MIPOL1: variants seen among roughly 807,000 people sequenced by gnomAD.
MIPOL1 encodes the protein mirror-image polydactyly 1, also known as mirror-image polydactyly gene 1 protein.
MIPOL1 carries 57 observed loss-of-function variants against 60.9 expected under a neutral mutation model. That is an observed-to-expected ratio of 0.94 (90% CI 0.76 to 1.17). The LOEUF is 1.17. Among genes scored for constraint, MIPOL1 ranks in the 50% most tolerant of loss-of-function variants. The probability of loss-of-function intolerance (pLI) is 0.00; values close to 1 mark genes in which losing one functional copy is unlikely to be tolerated. For synonymous variants in MIPOL1, 179 were observed against 168.8 expected (o/e 1.06, Z -0.47); for missense variants, 551 against 511.6 (o/e 1.08, Z -0.74).
At chr14:37,364,836 T>G (rs971331681) in intron 9 of MIPOL1, among the ~76,000 whole-genome samples, 1 of 152,228 alleles carries the variant, frequency 6.6e-6, no homozygotes, top group African/African-American at 2.4e-5. Flanking sequence ...TTTACAATAT[T>G]GACTCTTCCA....
intron 10 of MIPOL1, among the ~76,000 whole-genome samples, chr14:37,395,226 T>C (rs987430887): frequency 2.0e-5 from 3 of 152,174 alleles, no homozygotes; most frequent in Non-Finnish European, 4.4e-5. Flanking sequence ...TGCTTGGCTA[T>C]GCGTGCTCTT....
At chr14:37,330,010 T>A (rs1469841613) in intron 9 of MIPOL1, among the ~76,000 whole-genome samples, 1 of 89,620 alleles carries the variant, frequency 1.1e-5, no homozygotes, top group Non-Finnish European at 2.2e-5. Context: ...CACATCCTAG[T>A]AGTTGTATTA....
chr14:37,391,901 G>A (rs1392735662), intron 10 of MIPOL1, among the ~76,000 whole-genome samples: 1 of 152,010 alleles, frequency 6.6e-6, no homozygotes, highest in African/African-American at 2.4e-5. Flanking sequence ...CCATGAAAAG[G>A]ACAAGAATTT....
intron 1 of MIPOL1, among the ~76,000 whole-genome samples, chr14:37,216,425 C>G (rs1433047016): frequency 6.6e-6 from 1 of 152,104 alleles, no homozygotes; most frequent in African/African-American, 2.4e-5. Context: ...GCATTATAGA[C>G]CAAATTGACC....
intron 11 of MIPOL1, among the ~76,000 whole-genome samples, chr14:37,425,390 A>C (rs2093943983): frequency 6.6e-6 from 1 of 152,232 alleles, no homozygotes; most frequent in Non-Finnish European, 1.5e-5. Flanking sequence ...TTTAAAATCT[A>C]CATGAGTCTA....
intron 9 of MIPOL1, among the ~76,000 whole-genome samples, chr14:37,317,911 A>G (rs1019157594): frequency 2.6e-5 from 4 of 152,330 alleles, no homozygotes; most frequent in East Asian, 1.9e-4. Context: ...AAGGAAAAGT[A>G]TGAATAATTT....
At chr14:37,296,728 A>G (rs1176247708) in intron 7 of MIPOL1, among the ~76,000 whole-genome samples, 12 of 152,336 alleles carry the variant, frequency 7.9e-5, no homozygotes, top group Middle Eastern at 6.8e-3. Flanking sequence ...ATTCCTGGAC[A>G]CATACACCCT....
intron 7 of MIPOL1, among the ~76,000 whole-genome samples, chr14:37,294,461 A>G (rs984547610): frequency 3.9e-5 from 6 of 152,206 alleles, no homozygotes; most frequent in African/African-American, 1.4e-4. Context: ...TGGATGGAGA[A>G]TGACTTGACG....
At chr14:37,417,626 C>T (rs1421050714) in intron 10 of MIPOL1, among the ~76,000 whole-genome samples, 2 of 152,118 alleles carry the variant, frequency 1.3e-5, no homozygotes, top group Non-Finnish European at 2.9e-5. Context: ...GGTTCTTAAC[C>T]TTCTTCTGAG....
chr14:37,388,901 A>G (rs2093154700), intron 10 of MIPOL1, among the ~76,000 whole-genome samples: 1 of 152,012 alleles, frequency 6.6e-6, no homozygotes, highest in Non-Finnish European at 1.5e-5. Context: ...GCTCTCCTCT[A>G]TGTATTGGCT....
At chr14:37,381,629 C>G (rs1033946040) in intron 10 of MIPOL1, among the ~76,000 whole-genome samples, 19 of 151,842 alleles carry the variant, frequency 1.3e-4, no homozygotes, top group African/African-American at 4.6e-4. Context: ...GTCACCCAGG[C>G]TGGAGTGCAG....
chr14:37,294,957 C>A (rs946660998), intron 7 of MIPOL1, among the ~76,000 whole-genome samples: 11 of 152,044 alleles, frequency 7.2e-5, no homozygotes, highest in African/African-American at 2.2e-4. Context: ...CAGAGAACAC[C>A]ACAAAGATAC....
chr14:37,537,704 C>T (rs1050608748), intron 12 of MIPOL1, among the ~76,000 whole-genome samples: 6 of 152,058 alleles, frequency 3.9e-5, no homozygotes, highest in Admixed American at 2.0e-4. Context: ...TTGGAATTCA[C>T]GATTTGGCTT....
intron 1 of MIPOL1, chr14:37,227,588 T>C (rs1442005195): frequency 1.3e-5 from 2 of 152,186 alleles, no homozygotes; most frequent in East Asian, 3.9e-4. Context: ...TTGACATTTG[T>C]TGTTATTGCA....
chr14:37,524,195 G>C (rs1052546382), intron 12 of MIPOL1, among the ~76,000 whole-genome samples: 1 of 152,162 alleles, frequency 6.6e-6, no homozygotes, highest in Non-Finnish European at 1.5e-5. Context: ...GACTAACACT[G>C]ACTGCTATGT....
chr14:37,234,361 C>CTTTTTTTTTT (rs3061899), intron 1 of MIPOL1, among the ~76,000 whole-genome samples: 1 of 135,142 alleles, frequency 7.4e-6, no homozygotes, highest in Non-Finnish European at 1.6e-5. Flanking sequence ...CTTTTCTTTT[C>CTTTTTTTTTT]TTTTTTTTTT....
intron 9 of MIPOL1, among the ~76,000 whole-genome samples, chr14:37,343,151 A>T (rs145125402): frequency 7.9e-5 from 12 of 151,870 alleles, no homozygotes; most frequent in Non-Finnish European, 1.5e-4. Flanking sequence ...CATACATATC[A>T]GCTGTAGTGT....
chr14:37,372,452 T>A (rs573623041), intron 10 of MIPOL1, among the ~76,000 whole-genome samples: 1 of 152,154 alleles, frequency 6.6e-6, no homozygotes, highest in South Asian at 2.1e-4. Flanking sequence ...TAGGAGGCAA[T>A]TACACTAGAT....
chr14:37,524,947 C>A lies in MIPOL1; in HGVS notation c.1263-21958C>A, dbSNP rs532803167. On this transcript the variant is annotated intron_variant, in intron 12 of 12. Coordinates refer to ENST00000684589, the MANE Select transcript of MIPOL1 (RefSeq NM_001388067.1). Reference sequence around the variant, plus strand: ...AAAATAAAACTGGAAATAAAATGAGCATGATTATTATCACAATAGAAATGT... The same window carrying A: ...AAAATAAAACTGGAAATAAAATGAGAATGATTATTATCACAATAGAAATGT... Among the ~76,000 whole-genome samples, 35 of 152,054 alleles carry A rather than the reference C, an allele frequency of 2.3e-4. No homozygotes were observed. The South Asian group carries it at 7.3e-3, about 32-fold the overall frequency.
Sources: allele counts gnomAD v4.1 joint callset (sites outside exome capture counted in the v4.1 genomes callset), GRCh38; gene constraint gnomAD v4.1.1; transcripts MANE v1.5; gene names NCBI Gene and HGNC (gene_info 2026-07-23, HGNC 2026-07-21).